Variants in CACNA1F observed in about 807,000 individuals in gnomAD.
The protein encoded by CACNA1F is voltage-dependent L-type calcium channel subunit alpha-1F.
Under a neutral mutation model 143.8 loss-of-function variants are expected in CACNA1F, and 59 were observed. That is an observed-to-expected ratio of 0.41 (90% confidence interval 0.33 to 0.51). The LOEUF (loss-of-function observed/expected upper bound fraction) is 0.51. Ranked by LOEUF, CACNA1F falls within the 20% of genes least tolerant of loss-of-function variation. CACNA1F has a pLI of 0.22. For missense variants in CACNA1F, 1,411 were observed against 1,647.5 expected (o/e 0.86, Z 2.48); for synonymous variants, 643 against 649.1 (o/e 0.99, Z 0.14).
intron 27 of CACNA1F, 79 bp downstream of exon 27, chrX:49,216,303 C>T (rs782426501): frequency 1.9e-6 from 2 of 1,046,977 alleles, no homozygotes; most frequent in East Asian, 6.1e-5. Flanking sequence ...ACACTCCCAC[C>T]CATTCCCAGG....
intron 19 of CACNA1F, 134 bp from the exon 20 acceptor site, chrX:49,219,924 C>T (rs1245266103): frequency 1.6e-5 from 8 of 507,380 alleles, no homozygotes; most frequent in Non-Finnish European, 2.1e-5. Flanking sequence ...GTATTTTAGT[C>T]TGTTTTGTAT....
intron 30 of CACNA1F, 79 bp from the exon 31 acceptor site, chrX:49,213,981 G>A (rs376448587): frequency 5.4e-5 from 39 of 724,580 alleles, no homozygotes; most frequent in South Asian, 6.7e-5. Context: ...AGTAGGGGGC[G>A]CCGGAGGGGG....
Position 49,224,994 on chromosome X carries a change from G to A in CACNA1F, c.1652-8C>T. On this transcript the variant is annotated splice_polypyrimidine_tract_variant and splice_region_variant and intron_variant, in intron 13 of 47. Coordinates refer to ENST00000323022, the MANE Select transcript of CACNA1F (RefSeq NM_001256789.3). ...ACACTTTGTTGGCATACTCTGTGGG[G>A]AGAGAGGCAGGGATGATCGGGCTGG... 1.8e-6 allele frequency: 2 copies of A among 1,131,241 alleles called. No individual in the cohort carries two copies. Among genetic ancestry groups the A allele is most frequent in the Non-Finnish European group, 2.4e-6 (2 of 826,462 alleles). The allele number at this position is 1,131,241 out of a possible 1,213,427, so 93.2% of individuals were successfully genotyped here. A position where few individuals can be genotyped will look rare whatever the true frequency, so the allele number is the denominator to read the frequency against.
chrX:49,216,257 T>C (rs2065714213), intron 27 of CACNA1F, 125 bp downstream of exon 27: 3 of 713,191 alleles, frequency 4.2e-6, no homozygotes, highest in Non-Finnish European at 6.5e-6. Context: ...GAAAACCCTA[T>C]CCAGTCTCGA....
rs1557104893 is a variant in CACNA1F, at chrX:49,206,493, C to T, written c.5472+18G>A. The T allele has an allele frequency of 1.8e-6, 2 of 1,136,747 alleles. No homozygotes were observed. Among genetic ancestry groups the T allele is most frequent in the Non-Finnish European group, 2.4e-6 (2 of 827,722 alleles). The allele number at this position is 1,136,747 out of a possible 1,213,427, so 93.7% of individuals were successfully genotyped here. A position where few individuals can be genotyped will look rare whatever the true frequency, so the allele number is the denominator to read the frequency against. On this transcript the variant is annotated intron_variant, in intron 46 of 47. Transcript: ENST00000323022. ...TCTCTCCAGACCCCAGACCCCAGCA[C>T]CACCTCCACAGCCTCACCTGAGCCC...
In CACNA1F at chrX:49,216,320, C is replaced by T. The variant is rs868941954; in HGVS notation, c.3236+62G>A. On this transcript the variant is annotated intron_variant, in intron 27 of 47. Coordinates refer to ENST00000323022, the MANE Select transcript of CACNA1F (RefSeq NM_001256789.3). ...ACTCCCACCCATTCCCAGGAGATCC[C>T]AACCCAATCCTGCAGAGACCCCTGC... The T allele has an allele frequency of 1.1e-5, 13 of 1,154,660 alleles. No individual in the cohort carries two copies. The East Asian group carries it at 3.3e-4, about 29-fold the overall frequency.
intron 14 of CACNA1F, among the ~76,000 whole-genome samples, chrX:49,223,595 C>CAAAAAAA (rs58022930): frequency 3.8e-4 from 9 of 23,670 alleles, no homozygotes; most frequent in Non-Finnish European, 3.7e-4. Flanking sequence ...GACTCTGTCT[C>CAAAAAAA]AAAAAAAAAA....
chrX:49,226,587 C>T (rs1557110003), intron 10 of CACNA1F, 23 bp downstream of exon 10: 17 of 1,168,050 alleles, frequency 1.5e-5, no homozygotes, highest in Non-Finnish European at 1.7e-5. Flanking sequence ...CCCACCCCCA[C>T]CCCAGCCTGG....
In CACNA1F at chrX:49,222,741, A is replaced by G; in HGVS notation, c.2183T>C (p.Ile728Thr). The part of the protein sequence containing the change: ...FPGMLVCIYF[I>T]ILFICGNYIL... The stretch of plus-strand genomic sequence containing the variant: ...ACAGTTGCCACAGATGAAGAGAATG[A>G]TGAAATAGATGCACACCAACATTCC... Residue 728 changes from isoleucine to threonine, a missense_variant, in exon 16 of 48, where the codon ATC (isoleucine) becomes ACC (threonine). Coordinates refer to ENST00000323022, the MANE Select transcript of CACNA1F (RefSeq NM_001256789.3). 8.3e-7 allele frequency: 1 copy of G among 1,211,004 alleles called. No individual in the cohort carries two copies. The highest frequency in any genetic ancestry group is 3.0e-5 in the East Asian group (1 of 33,835).
Position 49,209,274 on chromosome X carries a change from C to T in CACNA1F, c.4941G>A (p.Leu1647=). 8.3e-7 allele frequency: 1 copy of T among 1,202,293 alleles called. No homozygotes were observed. Among genetic ancestry groups the T allele is most frequent in the Non-Finnish European group, 1.1e-6 (1 of 888,594 alleles). Residue 1647 remains leucine (L), a synonymous_variant, in exon 42 of 48, where the codon TTG becomes TTA. Transcript: ENST00000323022. ...EGVEEEDEKD[L]ETNKATMVSQ... Reference sequence around the variant, plus strand: ...AACTTGTCCCCACTTTGTTAGTTTCCAAGTCCTTTTCATCTTCCTCCTCCA... The same window carrying T: ...AACTTGTCCCCACTTTGTTAGTTTCTAAGTCCTTTTCATCTTCCTCCTCCA...
rs369747505 is a variant in CACNA1F at position 49,206,858 on chromosome X, G to A, written c.5232-3C>T. The stretch of plus-strand genomic sequence containing the variant: ...CCTGCTCATCTAGGTAGGAAAGCCT[G>A]TGTGGGTGGGAGGGCCAGGGGTGAA... On this transcript the variant is annotated splice_region_variant and splice_polypyrimidine_tract_variant and intron_variant, in intron 44 of 47. Transcript: ENST00000323022. 8.3e-6 allele frequency: 10 copies of A among 1,200,110 alleles called. No homozygotes were observed. Among genetic ancestry groups the A allele is most frequent in the African/African-American group, 7.0e-5 (4 of 56,879 alleles).
At chrX:49,208,416 C>CCCCCCCCCCCCCCCCCCCCT in intron 43 of CACNA1F, 99 bp downstream of exon 43, 2 of 268,854 alleles carry the variant, frequency 7.4e-6, no homozygotes, top group Non-Finnish European at 1.4e-5. Flanking sequence ...TCTAGGCCCT[C>CCCCCCCCCCCCCCCCCCCCT]CCTCCCACCC....
intron 8 of CACNA1F, 36 bp downstream of exon 8, chrX:49,228,000 G>A (rs1324955859): frequency 6.9e-6 from 7 of 1,010,282 alleles, no homozygotes; most frequent in Non-Finnish European, 9.8e-6. Context: ...GGCAGTGGCT[G>A]AGGGGTGGGA....
intron 18 of CACNA1F, 58 bp downstream of exon 18, chrX:49,220,977 C>A: frequency 1.1e-6 from 1 of 948,650 alleles, no homozygotes; most frequent in Admixed American, 2.2e-5. Flanking sequence ...GATATGCACA[C>A]ATAGACAGGT....
intron 43 of CACNA1F, 84 bp downstream of exon 43, chrX:49,208,431 C>A: frequency 1.6e-6 from 1 of 611,299 alleles, no homozygotes; most frequent in Non-Finnish European, 2.6e-6. Context: ...CCACCCCCCT[C>A]AACTTCCTGC....
At chrX:49,219,059 C>T in intron 21 of CACNA1F, 118 bp from the exon 22 acceptor site, 2 of 671,297 alleles carry the variant, frequency 3.0e-6, no homozygotes, top group South Asian at 2.3e-5. Flanking sequence ...CCTTCTGCCT[C>T]TACCCAGCTA....
Position 49,215,102 on chromosome X carries a change from A to G in CACNA1F, c.3581T>C (p.Val1194Ala), listed in dbSNP as rs782135065. ...ATCTCAGACCTGCATGGCTAGGGCA[A>G]CTGTGTTGAGCAGGATGAGCAGGAA... ...LMFLLILLNT[V>A]ALAMQHYEQT... Residue 1194 changes from valine to alanine, a missense_variant, in exon 29 of 48, where the codon GTT becomes GCT. Val to Ala is a moderately conservative substitution (Grantham distance 64). Transcript: ENST00000323022. 9.9e-6 allele frequency: 12 copies of G among 1,211,057 alleles called. No individual in the cohort carries two copies. The South Asian group carries it at 2.1e-4, about 21-fold the overall frequency.
rs782484807 is a variant in CACNA1F at position 49,224,861 on chromosome X, C to T, written c.1777G>A (p.Gly593Ser). 1 of 1,201,810 alleles carries T rather than the reference C, an allele frequency of 8.3e-7. No individual in the cohort carries two copies. Among genetic ancestry groups the T allele is most frequent in the Non-Finnish European group, 1.1e-6 (1 of 887,963 alleles). Reference protein sequence around the residue: ...NRFDCFVVCGGILETTLVEVG... With the variant: ...NRFDCFVVCGSILETTLVEVG... Reference sequence around the variant, plus strand: ...TCCACCAAGGTGGTCTCTAGGATGCCCCCACAGACCACAAAGCAGTCAAAG... The same window carrying T: ...TCCACCAAGGTGGTCTCTAGGATGCTCCCACAGACCACAAAGCAGTCAAAG... Residue 593 changes from glycine (G) to serine (S), a missense_variant, in exon 14 of 48, where the codon GGC (glycine) becomes AGC (serine). Physicochemically the swap from Gly to Ser is moderately conservative, Grantham distance 56 (BLOSUM62 0). Around this residue, in one of 3 missense-constraint regions of CACNA1F, gnomAD observed 950 missense variants for 1,128.1 expected, o/e 0.84. Coordinates refer to ENST00000323022, the MANE Select transcript of CACNA1F (RefSeq NM_001256789.3).
intron 43 of CACNA1F, 104 bp downstream of exon 43, chrX:49,208,411 G>GGCCCCCCCCCCCCCCCCCCCC: frequency 2.4e-6 from 1 of 414,481 alleles, no homozygotes; most frequent in Non-Finnish European, 4.3e-6. Flanking sequence ...AGGCCTCTAG[G>GGCCCCCCCCCCCCCCCCCCCC]CCCTCCCTCC....
Sources: gnomAD v4.1 joint callset for allele counts (sites outside exome capture counted in the v4.1 genomes callset) on GRCh38, gnomAD v4.1.1 for gene constraint, gnomAD v4.1.1 regional missense constraint, MANE v1.5 for transcripts, NCBI Gene and HGNC (gene_info 2026-07-23, HGNC 2026-07-21) for gene names.